ADCY2: variants seen among roughly 807,000 people sequenced by gnomAD.
ADCY2 encodes adenylate cyclase 2.
A neutral mutation model predicts 125.2 loss-of-function variants in ADCY2; 31 were observed. That is an observed-to-expected ratio of 0.25 (90% confidence interval 0.19 to 0.33). The LOEUF is 0.33. ADCY2 is among the 10% of genes least tolerant of loss of function. The pLI, the probability that ADCY2 is intolerant of heterozygous loss-of-function variation, is 1.00. For missense variants in ADCY2, 904 were observed against 1,418.2 expected (o/e 0.64, Z 5.82); for synonymous variants, 512 against 548.4 (o/e 0.93, Z 0.93).
At chr5:7,774,815 G>C (rs1015839967) in intron 18 of ADCY2, among the ~76,000 whole-genome samples, 1 of 152,040 alleles carries the variant, frequency 6.6e-6, no homozygotes, top group Non-Finnish European at 1.5e-5. Context: ...TCCTCCTCGG[G>C]GGCACGCACC....
chr5:7,821,137 A>G (rs1427294887), intron 24 of ADCY2, among the ~76,000 whole-genome samples: 1 of 152,202 alleles, frequency 6.6e-6, no homozygotes, highest in Non-Finnish European at 1.5e-5. Context: ...GAGATGAAAC[A>G]GAAGGTTGAT....
At chr5:7,461,514 A>G (rs1433634962) in intron 2 of ADCY2, among the ~76,000 whole-genome samples, 2 of 152,214 alleles carry the variant, frequency 1.3e-5, no homozygotes, top group Non-Finnish European at 2.9e-5. Flanking sequence ...TATTTATTTT[A>G]TAAGCTGCCT....
intron 2 of ADCY2, among the ~76,000 whole-genome samples, chr5:7,436,353 T>C (rs933523063): frequency 2.6e-5 from 4 of 152,178 alleles, no homozygotes; most frequent in African/African-American, 7.2e-5. Context: ...AAATAACCTA[T>C]GGAAATGACA....
At chr5:7,465,499 C>G (rs1326539607) in intron 2 of ADCY2, among the ~76,000 whole-genome samples, 2 of 152,182 alleles carry the variant, frequency 1.3e-5, no homozygotes, top group Non-Finnish European at 2.9e-5. Flanking sequence ...TTCTTTGATT[C>G]ACGGCGTGTG....
At chr5:7,438,155 C>T (rs983440554) in intron 2 of ADCY2, among the ~76,000 whole-genome samples, 16 of 152,278 alleles carry the variant, frequency 1.1e-4, no homozygotes, top group East Asian at 1.9e-4. Context: ...GAAGGTCCAC[C>T]GGAAGATTCC....
intron 5 of ADCY2, chr5:7,691,368 A>G (rs1579320270): frequency 6.6e-6 from 1 of 152,178 alleles, no homozygotes; most frequent in Admixed American, 6.5e-5. Context: ...TAGCTAATTT[A>G]CCGTGAAAGT....
chr5:7,681,995 C>G lies in ADCY2; in HGVS notation c.721-8696C>G, dbSNP rs571799333. On this transcript the variant is annotated intron_variant, in intron 4 of 24. Coordinates refer to ENST00000338316, the MANE Select transcript of ADCY2 (RefSeq NM_020546.3). ...ACTAACTACTTTCCTCCCACTGGTT[C>G]TAATCCCAACTCCTCCACCTCCTTA... is the stretch of plus-strand genomic sequence containing the variant. Among the ~76,000 whole-genome samples, 6 of 152,312 alleles carry G rather than the reference C, an allele frequency of 3.9e-5. No homozygotes were observed. In the East Asian group the frequency reaches 1.2e-3, roughly 29 times the overall value.
chr5:7,652,606 G>T (rs992931123), intron 4 of ADCY2, among the ~76,000 whole-genome samples: 1 of 152,118 alleles, frequency 6.6e-6, no homozygotes, highest in Non-Finnish European at 1.5e-5. Context: ...TTGTATACAA[G>T]GTCTATAGAA....
chr5:7,398,779 G>C (rs1422754611), intron 1 of ADCY2, among the ~76,000 whole-genome samples: 1 of 152,254 alleles, frequency 6.6e-6, no homozygotes, highest in Non-Finnish European at 1.5e-5. Flanking sequence ...ATGCCTAGGA[G>C]AAATGTGCCC....
intron 7 of ADCY2, among the ~76,000 whole-genome samples, chr5:7,698,919 G>A (rs561656998): frequency 6.6e-6 from 1 of 151,940 alleles, no homozygotes; most frequent in South Asian, 2.1e-4. Context: ...GGGACTGCTG[G>A]GTCAAATGGT....
At chr5:7,620,702 A>G (rs1277812007) in intron 3 of ADCY2, among the ~76,000 whole-genome samples, 2 of 152,196 alleles carry the variant, frequency 1.3e-5, no homozygotes, top group African/African-American at 4.8e-5. Context: ...TGTAAGCCAA[A>G]TTGGATGCTT....
At chr5:7,787,576 G>A (rs888188228) in intron 19 of ADCY2, among the ~76,000 whole-genome samples, 3 of 152,178 alleles carry the variant, frequency 2.0e-5, no homozygotes, top group Non-Finnish European at 2.9e-5. Flanking sequence ...AGCTGCTAAT[G>A]TGCCAGCTAC....
At chr5:7,406,537 C>T (rs979666539) in intron 1 of ADCY2, among the ~76,000 whole-genome samples, 2 of 152,232 alleles carry the variant, frequency 1.3e-5, no homozygotes, top group African/African-American at 4.8e-5. Context: ...ATTGCTTCTT[C>T]ATTACAACCA....
chr5:7,490,067 T>C (rs1743103676), intron 2 of ADCY2, among the ~76,000 whole-genome samples: 1 of 152,144 alleles, frequency 6.6e-6, no homozygotes, highest in Non-Finnish European at 1.5e-5. Context: ...TCATTCTTGG[T>C]GGGCTGGGGT....
chr5:7,648,608 G>A (rs1240044090), intron 4 of ADCY2, among the ~76,000 whole-genome samples: 5 of 152,014 alleles, frequency 3.3e-5, no homozygotes, highest in Non-Finnish European at 5.9e-5. Flanking sequence ...AAATCCCTGC[G>A]GGGTTAGAAA....
chr5:7,505,582 G>A (rs1015698532), intron 2 of ADCY2, among the ~76,000 whole-genome samples: 5 of 152,216 alleles, frequency 3.3e-5, no homozygotes, highest in South Asian at 4.1e-4. Flanking sequence ...CTGAGCCAAC[G>A]CAGATGCTAA....
intron 2 of ADCY2, among the ~76,000 whole-genome samples, chr5:7,451,333 C>T (rs917765425): frequency 1.3e-5 from 2 of 152,206 alleles, no homozygotes; most frequent in Non-Finnish European, 2.9e-5. Context: ...GTTCAACCCT[C>T]ATGGGTGACT....
intron 2 of ADCY2, among the ~76,000 whole-genome samples, chr5:7,512,982 G>T (rs1387481788): frequency 1.3e-5 from 2 of 152,120 alleles, no homozygotes; most frequent in Non-Finnish European, 2.9e-5. Flanking sequence ...TTGTGGGTCC[G>T]CCTGGGTCTT....
chr5:7,461,261 G>A (rs942015411), intron 2 of ADCY2, among the ~76,000 whole-genome samples: 1 of 152,204 alleles, frequency 6.6e-6, no homozygotes, highest in African/African-American at 2.4e-5. Flanking sequence ...AGGGACTAGG[G>A]AGTGTTGTTC....
Sources: allele counts gnomAD v4.1 joint callset (sites outside exome capture counted in the v4.1 genomes callset), GRCh38; gene constraint gnomAD v4.1.1; transcripts MANE v1.5; gene names NCBI Gene and HGNC (gene_info 2026-07-23, HGNC 2026-07-21).